The following TCP10L variants were observed in gnomAD, a reference collection of about 807,000 sequenced individuals.
The protein encoded by TCP10L is t-complex 10 like.
Under a neutral mutation model 19.2 loss-of-function variants are expected in TCP10L, and 11 were observed. The ratio of observed to expected loss-of-function variants is 0.57; its 90% confidence interval spans 0.36 to 0.95. The LOEUF is 0.95. Among genes scored for constraint, TCP10L ranks in the 40% least tolerant of loss-of-function variants. The pLI is 0.01. For missense variants in TCP10L, 247 were observed against 263.9 expected (o/e 0.94, Z 0.44); for synonymous variants, 96 against 97.2 (o/e 0.99, Z 0.07).
intron 3 of TCP10L, among the ~76,000 whole-genome samples, chr21:32,580,296 C>T (rs1175528470): frequency 6.6e-6 from 1 of 152,002 alleles, no homozygotes; most frequent in East Asian, 1.9e-4. Flanking sequence ...TTAGTAGAGA[C>T]GGGGTTTCAC....
chr21:32,577,060 C>A (rs2038444088), intron 4 of TCP10L, 137 bp from the exon 5 acceptor site: 2 of 893,702 alleles, frequency 2.2e-6, no homozygotes. Context: ...CATGAGGTAT[C>A]CACACTTAGT....
Position 32,576,734 on chromosome 21 carries a change from G to A in TCP10L, c.*40C>T. Reference sequence around the variant, plus strand: ...TGAATCTGAATTTTCCAAGGGGCCAGTGTAGAGTGACACAGGTGTCCGAGG... The same window carrying A: ...TGAATCTGAATTTTCCAAGGGGCCAATGTAGAGTGACACAGGTGTCCGAGG... On this transcript the variant is annotated 3_prime_UTR_variant, in exon 5 of 5. Coordinates refer to ENST00000300258, the MANE Select transcript of TCP10L (RefSeq NM_144659.7). The A allele has an allele frequency of 6.2e-7, 1 of 1,603,224 alleles. No individual in the cohort carries two copies. The highest frequency in any genetic ancestry group is 8.5e-7 in the Non-Finnish European group (1 of 1,175,192).
In TCP10L at chr21:32,578,128, TC is replaced by T; in HGVS notation, c.498+565del. Among the ~76,000 whole-genome samples, 1 of 152,372 alleles carries T rather than the reference TC, an allele frequency of 6.6e-6. No homozygotes were observed. Among genetic ancestry groups the T allele is most frequent in the East Asian group, 1.9e-4 (1 of 5,186 alleles). On this transcript the variant is annotated intron_variant, in intron 4 of 4. Coordinates refer to ENST00000300258, the MANE Select transcript of TCP10L (RefSeq NM_144659.7). The surrounding 1 kb of genome is among the most constrained non-coding windows in gnomAD (Gnocchi z 4.2). ...ACCTTCAGCGTGGGCATCATGGCCA[TC>T]ACGAACATGTCACAGTGCTGCAGAG...
At position 32,574,049 on chromosome 21, in the gene TCP10L, C is replaced by T. The variant is rs1483183985; in HGVS notation, c.*2725G>A. On this transcript the variant is annotated 3_prime_UTR_variant, in exon 5 of 5. Transcript: ENST00000300258. ...GGGTTTTTCTCGGGAGAACAGAAAA[C>T]AAGCGGGACCTGTGTTCCCAGACTT... 1 of 152,110 alleles carries T rather than the reference C, an allele frequency of 6.6e-6. No homozygotes were observed. The highest frequency in any genetic ancestry group is 1.5e-5 in the Non-Finnish European group (1 of 68,006). The allele number at this position is 152,110 out of a possible 1,614,324, so 9.4% of individuals were successfully genotyped here.
rs946500395 is a variant in TCP10L, at chr21:32,582,049, G to A, written c.360+151C>T. On this transcript the variant is annotated intron_variant, in intron 3 of 4. Transcript: ENST00000300258. The surrounding 1 kb of genome is among the most constrained non-coding windows in gnomAD (Gnocchi z 4.2). ...CCAGTTCTTATTAATCATTACTTAC[G>A]GGAAATGGAGTTGATGGAAAGATAG... The A allele has an allele frequency of 1.2e-5, 10 of 834,390 alleles. No homozygotes were observed. The highest frequency in any genetic ancestry group is 5.2e-5 in the Admixed American group (2 of 38,524). The allele number at this position is 834,390 out of a possible 1,614,324, so 51.7% of individuals were successfully genotyped here. A position where few individuals can be genotyped will look rare whatever the true frequency, so the allele number is the denominator to read the frequency against.
chr21:32,576,265 T>A lies in TCP10L; in HGVS notation c.*509A>T, dbSNP rs2038432534. On this transcript the variant is annotated 3_prime_UTR_variant, in exon 5 of 5. Transcript: ENST00000300258. The stretch of plus-strand genomic sequence containing the variant: ...CTGCAGCATGGCGGCCTGGGAAGCC[T>A]GCACTGGTGATTTTCTGCCACTCAA... The A allele has an allele frequency of 1.9e-6, 3 of 1,574,426 alleles. No individual in the cohort carries two copies. The highest frequency in any genetic ancestry group is 4.5e-5 in the East Asian group (2 of 44,178).
At chr21:32,584,445 T>G in intron 1 of TCP10L, 140 bp from the exon 2 acceptor site, 1 of 1,238,826 alleles carries the variant, frequency 8.1e-7, no homozygotes, top group Non-Finnish European at 1.1e-6. Flanking sequence ...ATGTGCACAT[T>G]CCCAGGCCCG....
intron 4 of TCP10L, 96 bp from the exon 5 acceptor site, chr21:32,577,019 T>C: frequency 7.8e-7 from 1 of 1,285,050 alleles, no homozygotes; most frequent in Non-Finnish European, 1.1e-6. Flanking sequence ...AGAATGTAGA[T>C]GATTCTACTC....
At chr21:32,583,558 C>T (rs3843782) in intron 2 of TCP10L, among the ~76,000 whole-genome samples, 1 of 140,116 alleles carries the variant, frequency 7.1e-6, no homozygotes, top group African/African-American at 2.7e-5. Flanking sequence ...CACTGCACTC[C>T]AGCCTGGGCG....
In TCP10L at chr21:32,584,759, C is replaced by T. The variant is rs1326467050; in HGVS notation, c.-1-454G>A. On this transcript the variant is annotated intron_variant, in intron 1 of 4. Coordinates refer to ENST00000300258, the MANE Select transcript of TCP10L (RefSeq NM_144659.7). ...GTGTGAGCAGGTGTGAGTGGAGGGT[C>T]GCATGAGACACCGAGGGAATTCTCA... 2.0e-5 allele frequency among the ~76,000 whole-genome samples: 3 copies of T among 151,894 alleles called. No homozygotes were observed. In the East Asian group the frequency reaches 5.8e-4, roughly 29 times the overall value.
rs1178543358 is a variant in TCP10L at position 32,576,363 on chromosome 21, TC to T, written c.*410del. The T allele has an allele frequency of 9.8e-6, 13 of 1,332,108 alleles. No homozygotes were observed. The African/African-American group carries it at 1.7e-4, about 18-fold the overall frequency. 82.5% of individuals were successfully genotyped at this position (1,332,108 alleles called of 1,614,324 possible). ...GTCACAGGCCCGCCTTGTCACAAGG[TC>T]CCTGGAGCGGGCAATGCCTTGAGCC... On this transcript the variant is annotated 3_prime_UTR_variant, in exon 5 of 5. Transcript: ENST00000300258.
chr21:32,575,518 G>A lies in TCP10L; in HGVS notation c.*1256C>T, dbSNP rs1008277652. The A allele has an allele frequency of 2.0e-5, 3 of 153,194 alleles. No individual in the cohort carries two copies. The highest frequency in any genetic ancestry group is 6.5e-5 in the Admixed American group (1 of 15,286). The allele number at this position is 153,194 out of a possible 1,614,324, so 9.5% of individuals were successfully genotyped here. A position where few individuals can be genotyped will look rare whatever the true frequency, so the allele number is the denominator to read the frequency against. ...CGGCCAAGGATGGGAAGGAGTCCAG[G>A]TGCCAGGCAGCCCAGGGCGAGTGGT... is the stretch of plus-strand genomic sequence containing the variant. On this transcript the variant is annotated 3_prime_UTR_variant, in exon 5 of 5. Transcript: ENST00000300258.
At position 32,576,000 on chromosome 21, in the gene TCP10L, T is replaced by C. The variant is rs939443041; in HGVS notation, c.*774A>G. The C allele has an allele frequency of 3.9e-5, 12 of 306,094 alleles. No homozygotes were observed. Among genetic ancestry groups the C allele is most frequent in the Admixed American group, 1.3e-4 (3 of 23,146 alleles). 19.0% of individuals were successfully genotyped at this position (306,094 alleles called of 1,614,324 possible). On this transcript the variant is annotated 3_prime_UTR_variant, in exon 5 of 5. Transcript: ENST00000300258. ...CAGTCACGGCCCCTGGAGACCGGCA[T>C]GTGGGCTGTGTGTGGGGTGGAGGGC...
Position 32,575,981 on chromosome 21 carries a change from C to T in TCP10L, c.*793G>A, listed in dbSNP as rs1225167184. On this transcript the variant is annotated 3_prime_UTR_variant, in exon 5 of 5. Transcript: ENST00000300258. Reference sequence around the variant, plus strand: ...CGCTAGGATTCGGAATCTCCAGTCACGGCCCCTGGAGACCGGCATGTGGGC... The same window carrying T: ...CGCTAGGATTCGGAATCTCCAGTCATGGCCCCTGGAGACCGGCATGTGGGC... The T allele has an allele frequency of 1.1e-5, 3 of 269,172 alleles. No individual in the cohort carries two copies. The highest frequency in any genetic ancestry group is 9.3e-5 in the Admixed American group (2 of 21,500). The allele number at this position is 269,172 out of a possible 1,614,324, so 16.7% of individuals were successfully genotyped here. A position where few individuals can be genotyped will look rare whatever the true frequency, so the allele number is the denominator to read the frequency against.
rs1194899672 is a variant in TCP10L at position 32,582,270 on chromosome 21, T to G, written c.290A>C (p.Gln97Pro). The G allele has an allele frequency of 1.2e-6, 2 of 1,614,208 alleles. No individual in the cohort carries two copies. The highest frequency in any genetic ancestry group is 1.7e-5 in the Admixed American group (1 of 60,024). The change falls in exon 3 of 5, where the codon CAG becomes CCG. Residue 97 changes from glutamine to proline, a missense_variant. Gln to Pro is a moderately conservative substitution (Grantham distance 76, BLOSUM62 -1). Coordinates refer to ENST00000300258, the MANE Select transcript of TCP10L (RefSeq NM_144659.7). This position sits in a 1 kb window ranked among gnomAD's most constrained non-coding sequence, Gnocchi z 4.2. ...CTTCCTGGCTTTCCACCGCTGCAGC[T>G]GCAGAGCTCTCAGCTTTTCTCGGAG... ...MELREKLRAL[Q>P]LQRWKARKKS...
rs1260637372 is a variant in TCP10L, at chr21:32,582,190, C to T, written c.360+10G>A. On this transcript the variant is annotated intron_variant, in intron 3 of 4. Coordinates refer to ENST00000300258, the MANE Select transcript of TCP10L (RefSeq NM_144659.7). This position sits in a 1 kb window ranked among gnomAD's most constrained non-coding sequence, Gnocchi z 4.2. ...CAAACGGTACAAAAACATAAATGCG[C>T]TTTTGGTACCAGAGTGTGCGATTCT... The T allele has an allele frequency of 1.9e-6, 3 of 1,611,294 alleles. No individual in the cohort carries two copies. Among genetic ancestry groups the T allele is most frequent in the Non-Finnish European group, 2.5e-6 (3 of 1,179,112 alleles).
chr21:32,574,484 C>A lies in TCP10L; in HGVS notation c.*2290G>T. On this transcript the variant is annotated 3_prime_UTR_variant, in exon 5 of 5. Transcript: ENST00000300258. ...CCATCTCTTGACACCCACTCCGAATCTCACTTCCCCAGGATGAAAAGGTGA... is the reference window on the plus strand; with the variant it reads ...CCATCTCTTGACACCCACTCCGAATATCACTTCCCCAGGATGAAAAGGTGA... 6.0e-6 allele frequency: 1 copy of A among 166,142 alleles called. No individual in the cohort carries two copies. 10.3% of individuals were successfully genotyped at this position (166,142 alleles called of 1,614,324 possible). A position where few individuals can be genotyped will look rare whatever the true frequency, so the allele number is the denominator to read the frequency against.
At position 32,582,339 on chromosome 21, in the gene TCP10L, T is replaced by C; in HGVS notation, c.221A>G (p.Lys74Arg). ...QKSLWADVHG[K>R]LRSHIDALRE... ...CAAAGCATCTATATGACTCCGGAGT[T>C]TTCCATGAACATCAGCCCACAGAGA... The change falls in exon 3 of 5, where the codon AAA (lysine) becomes AGA (arginine). Residue 74 changes from lysine to arginine, a missense_variant. By Grantham distance (26) the Lys-to-Arg change is conservative. Coordinates refer to ENST00000300258, the MANE Select transcript of TCP10L (RefSeq NM_144659.7). This position sits in a 1 kb window ranked among gnomAD's most constrained non-coding sequence, Gnocchi z 4.2. 6.2e-7 allele frequency: 1 copy of C among 1,614,072 alleles called. No individual in the cohort carries two copies.
Position 32,584,150 on chromosome 21 carries a change from G to A in TCP10L, c.144+11C>T, listed in dbSNP as rs750237351. The A allele has an allele frequency of 3.1e-6, 5 of 1,609,628 alleles. No individual in the cohort carries two copies. The African/African-American group carries it at 5.3e-5, about 17-fold the overall frequency. Reference sequence around the variant, plus strand: ...GTGGGACTAACTCTGTCCCCACAGAGCTCAACTCACTGGCATCTCCCCAGT... The same window carrying A: ...GTGGGACTAACTCTGTCCCCACAGAACTCAACTCACTGGCATCTCCCCAGT... On this transcript the variant is annotated intron_variant, in intron 2 of 4. Coordinates refer to ENST00000300258, the MANE Select transcript of TCP10L (RefSeq NM_144659.7).
Sources: gnomAD v4.1 joint callset for allele counts (sites outside exome capture counted in the v4.1 genomes callset) on GRCh38, gnomAD v4.1.1 for gene constraint, Gnocchi (gnomAD v3.1) non-coding constraint, MANE v1.5 for transcripts, NCBI Gene and HGNC (gene_info 2026-07-23, HGNC 2026-07-21) for gene names.